Variants in DSCAML1 observed in about 807,000 individuals in gnomAD.
The protein encoded by DSCAML1 is DS cell adhesion molecule like 1, also known as cell adhesion molecule DSCAML1.
DSCAML1 carries 38 observed loss-of-function variants against 200.5 expected under a neutral mutation model. The ratio of observed to expected loss-of-function variants is 0.19; its 90% CI spans 0.15 to 0.25. DSCAML1 has a LOEUF of 0.25. DSCAML1 is among the 10% of genes least tolerant of loss of function. The probability of loss-of-function intolerance (pLI) is 1.00; values close to 1 mark genes in which losing one functional copy is unlikely to be tolerated. For missense variants in DSCAML1, 2,223 were observed against 2,858.8 expected (o/e 0.78, Z 5.07); for synonymous variants, 1,215 against 1,165.0 (o/e 1.04, Z -0.87).
chr11:117,614,266 C>G (rs145330370), intron 3 of DSCAML1, among the ~76,000 whole-genome samples: 16 of 152,290 alleles, frequency 1.1e-4, no homozygotes, highest in African/African-American at 3.9e-4. Context: ...CCAGTGTCCA[C>G]CAGCCCAGTG....
intron 3 of DSCAML1, among the ~76,000 whole-genome samples, chr11:117,699,752 A>C (rs1425737194): frequency 1.3e-5 from 2 of 152,290 alleles, no homozygotes; most frequent in East Asian, 3.9e-4. Context: ...GTTCCACAGA[A>C]CTTTCTCCCA....
At chr11:117,478,448 C>T (rs2048842021) in intron 14 of DSCAML1, among the ~76,000 whole-genome samples, 1 of 152,162 alleles carries the variant, frequency 6.6e-6, no homozygotes, top group South Asian at 2.1e-4. Flanking sequence ...CCTTTTGTCC[C>T]CTTTGCCTCA....
upstream of DSCAML1, chr11:117,801,745 G>T (rs1477339953): frequency 1.3e-5 from 2 of 152,220 alleles, no homozygotes; most frequent in Non-Finnish European, 2.9e-5. Context: ...AGGGTCTAAA[G>T]CCCTGGGGCT....
At chr11:117,785,935 C>T (rs2055343644) in intron 1 of DSCAML1, among the ~76,000 whole-genome samples, 1 of 152,146 alleles carries the variant, frequency 6.6e-6, no homozygotes, top group African/African-American at 2.4e-5. Flanking sequence ...AAAATTCAAC[C>T]AGCTCCAAAC....
At chr11:117,614,254 C>T (rs1341576278) in intron 3 of DSCAML1, among the ~76,000 whole-genome samples, 1 of 152,166 alleles carries the variant, frequency 6.6e-6, no homozygotes, top group South Asian at 2.1e-4. Flanking sequence ...ACATCGCTAT[C>T]CCCAGTGTCC....
Position 117,458,920 on chromosome 11 carries a change from C to T in DSCAML1, c.3413-11G>A, listed in dbSNP as rs768458037. On this transcript the variant is annotated splice_polypyrimidine_tract_variant and intron_variant, in intron 18 of 32. Coordinates refer to ENST00000651296, the MANE Select transcript of DSCAML1 (RefSeq NM_020693.4). ...GCATCTCGCCCCACTCTGCCAGAGA[C>T]CAGCAAACTCTGAGGACCCAGCTCC... 1.9e-6 allele frequency: 3 copies of T among 1,611,594 alleles called. No homozygotes were observed. Among genetic ancestry groups the T allele is most frequent in the Admixed American group, 3.3e-5 (2 of 59,850 alleles).
chr11:117,737,030 A>T (rs528403405), intron 3 of DSCAML1, among the ~76,000 whole-genome samples: 219 of 152,270 alleles, frequency 1.4e-3, no homozygotes, highest in Middle Eastern at 6.8e-3. Flanking sequence ...AGAGCTCAAC[A>T]AGCTGCTATA....
In DSCAML1 at chr11:117,580,260, A is replaced by G. The variant is rs2137459125; in HGVS notation, c.512-47738T>C. On this transcript the variant is annotated intron_variant, in intron 3 of 32. Transcript: ENST00000651296. The stretch of plus-strand genomic sequence containing the variant: ...GCTGGCTGCCTCCAAAGACCCTTTC[A>G]TTCCTTCTTTGCACATGGTGAGGAC... Among the ~76,000 whole-genome samples the G allele has an allele frequency of 2.0e-5, 3 of 152,326 alleles. No homozygotes were observed. The South Asian group carries it at 6.2e-4, about 32-fold the overall frequency.
At chr11:117,588,605 C>T (rs1222886162) in intron 3 of DSCAML1, among the ~76,000 whole-genome samples, 4 of 152,204 alleles carry the variant, frequency 2.6e-5, no homozygotes, top group African/African-American at 9.7e-5. Context: ...GGCCCGTAGC[C>T]TTGCCGGGCC....
At chr11:117,787,312 G>C (rs1247607178) in intron 1 of DSCAML1, among the ~76,000 whole-genome samples, 7 of 152,180 alleles carry the variant, frequency 4.6e-5, no homozygotes, top group African/African-American at 1.7e-4. Context: ...CACCACCTAA[G>C]TATTTGTGGC....
At chr11:117,609,502 TC>T (rs1298303467) in intron 3 of DSCAML1, among the ~76,000 whole-genome samples, 1 of 151,996 alleles carries the variant, frequency 6.6e-6, no homozygotes, top group Non-Finnish European at 1.5e-5. Flanking sequence ...AGACCAGGTC[TC>T]CCTGTGTTGC....
chr11:117,495,412 T>A (rs2049272087), intron 11 of DSCAML1, among the ~76,000 whole-genome samples: 1 of 151,904 alleles, frequency 6.6e-6, no homozygotes, highest in South Asian at 2.1e-4. Flanking sequence ...ACGTCTAGAG[T>A]CTCTGTGGAC....
intron 3 of DSCAML1, among the ~76,000 whole-genome samples, chr11:117,577,272 G>C (rs1009607596): frequency 3.9e-5 from 6 of 152,188 alleles, no homozygotes; most frequent in Admixed American, 3.3e-4. Context: ...CCCTGGCCCT[G>C]CTCTCAGTGT....
chr11:117,687,054 G>C (rs1426640694), intron 3 of DSCAML1, among the ~76,000 whole-genome samples: 2 of 152,148 alleles, frequency 1.3e-5, no homozygotes, highest in Admixed American at 6.5e-5. Flanking sequence ...GCAGACACAG[G>C]GGTACCCCAG....
At position 117,505,185 on chromosome 11, in the gene DSCAML1, C is replaced by G; in HGVS notation, c.2063-142G>C. 1 of 1,325,908 alleles carries G rather than the reference C, an allele frequency of 7.5e-7. No individual in the cohort carries two copies. Among genetic ancestry groups the G allele is most frequent in the East Asian group, 2.4e-5 (1 of 42,354 alleles). The allele number at this position is 1,325,908 out of a possible 1,614,324, so 82.1% of individuals were successfully genotyped here. ...CGGGCAGTTTCTGAAACCCAAGATGCTGAGAACTTTTGTTGAGTACTGGGT... is the reference window on the plus strand; with the variant it reads ...CGGGCAGTTTCTGAAACCCAAGATGGTGAGAACTTTTGTTGAGTACTGGGT... On this transcript the variant is annotated intron_variant, in intron 9 of 32. Transcript: ENST00000651296. The surrounding 1 kb of genome is among the most constrained non-coding windows in gnomAD (Gnocchi z 6.7).
At chr11:117,613,293 C>T (rs2051734782) in intron 3 of DSCAML1, among the ~76,000 whole-genome samples, 1 of 151,900 alleles carries the variant, frequency 6.6e-6, no homozygotes, top group Non-Finnish European at 1.5e-5. Flanking sequence ...CACAAGGGTG[C>T]TCTTGGAGTA....
chr11:117,549,927 G>T (rs1354393499), intron 3 of DSCAML1, among the ~76,000 whole-genome samples: 1 of 152,188 alleles, frequency 6.6e-6, no homozygotes, highest in Non-Finnish European at 1.5e-5. Flanking sequence ...CAACATTTGT[G>T]TTGTGAACAT....
intron 18 of DSCAML1, among the ~76,000 whole-genome samples, chr11:117,459,697 G>A (rs941329489): frequency 1.4e-4 from 22 of 152,254 alleles, no homozygotes; most frequent in Non-Finnish European, 1.5e-5. Context: ...GTAAGAGGAG[G>A]AAAAGGGACA....
At chr11:117,643,096 A>G (rs1325201703) in intron 3 of DSCAML1, among the ~76,000 whole-genome samples, 2 of 152,048 alleles carry the variant, frequency 1.3e-5, no homozygotes, top group Middle Eastern at 3.2e-3. Context: ...TGTTCTCTTT[A>G]TGTCTCCTTG....
Sources: allele counts gnomAD v4.1 joint callset (sites outside exome capture counted in the v4.1 genomes callset), GRCh38; gene constraint gnomAD v4.1.1; non-coding constraint Gnocchi (gnomAD v3.1); transcripts MANE v1.5; gene names NCBI Gene and HGNC (gene_info 2026-07-23, HGNC 2026-07-21).